DTNA: variants seen among roughly 807,000 people sequenced by gnomAD.
The protein encoded by DTNA is dystrobrevin alpha, also known as dystrophin-related protein 3.
Under a neutral mutation model 100.7 loss-of-function variants are expected in DTNA, and 43 were observed. That is an observed-to-expected ratio of 0.43 (90% CI 0.33 to 0.55). DTNA has a LOEUF of 0.55. DTNA is among the 20% of genes least tolerant of loss of function. DTNA has a pLI of 0.04. For missense variants in DTNA, 798 were observed against 953.9 expected (o/e 0.84, Z 2.15); for synonymous variants, 349 against 347.9 (o/e 1.00, Z -0.04).
intron 4 of DTNA, among the ~76,000 whole-genome samples, chr18:34,800,816 T>C (rs1391305445): frequency 6.6e-6 from 1 of 152,194 alleles, no homozygotes; most frequent in Non-Finnish European, 1.5e-5. Flanking sequence ...CTCCTGTACT[T>C]AGCATCCAGC....
intron 3 of DTNA, among the ~76,000 whole-genome samples, chr18:34,770,898 T>G (rs2093733368): frequency 6.6e-6 from 1 of 151,026 alleles, no homozygotes; most frequent in Non-Finnish European, 1.5e-5. Flanking sequence ...TTCTTCTGCC[T>G]CAGCCTCCCA....
chr18:34,569,565 A>G (rs1323014088), intron 1 of DTNA, among the ~76,000 whole-genome samples: 1 of 152,204 alleles, frequency 6.6e-6, no homozygotes, highest in East Asian at 1.9e-4. Context: ...TGCATTAGTC[A>G]GGATTCTACA....
At chr18:34,591,114 T>A (rs12326134) in intron 1 of DTNA, among the ~76,000 whole-genome samples, 15,626 of 150,766 alleles carry the variant, frequency 0.1, 1,155 homozygotes, top group African/African-American at 0.21. Flanking sequence ...AAACATTTCA[T>A]TTTTTTTTCT....
intron 1 of DTNA, among the ~76,000 whole-genome samples, chr18:34,553,006 T>C (rs1433391480): frequency 6.6e-6 from 1 of 150,728 alleles, no homozygotes; most frequent in Non-Finnish European, 1.5e-5. Flanking sequence ...AGTGTAAAAG[T>C]GTTCCTATTT....
At chr18:34,855,050 A>T (rs966232546) in intron 15 of DTNA, among the ~76,000 whole-genome samples, 7 of 152,030 alleles carry the variant, frequency 4.6e-5, no homozygotes, top group South Asian at 2.1e-4. Flanking sequence ...GGCAAACTTC[A>T]TGGGGAAGGT....
chr18:34,582,620 T>C (rs1193903117), intron 1 of DTNA, among the ~76,000 whole-genome samples: 1 of 152,174 alleles, frequency 6.6e-6, no homozygotes, highest in Non-Finnish European at 1.5e-5. Flanking sequence ...AGGGTAAATG[T>C]GGCAAGAAAG....
intron 3 of DTNA, among the ~76,000 whole-genome samples, chr18:34,774,142 G>A (rs568703157): frequency 6.3e-4 from 96 of 152,342 alleles, no homozygotes; most frequent in African/African-American, 2.1e-3. Context: ...CTGTCAGTTG[G>A]GAAAGAGTGA....
intron 1 of DTNA, among the ~76,000 whole-genome samples, chr18:34,718,109 T>G (rs185780619): frequency 1.1e-4 from 16 of 152,326 alleles, no homozygotes; most frequent in Admixed American, 8.5e-4. Context: ...CATACAATGC[T>G]GGAGCAGGAT....
chr18:34,800,521 G>A (rs1020535408), intron 4 of DTNA, among the ~76,000 whole-genome samples: 3 of 152,190 alleles, frequency 2.0e-5, no homozygotes, highest in African/African-American at 7.2e-5. Context: ...GAAGCAGAGG[G>A]AGGAAGCAAT....
At chr18:34,639,354 A>G (rs900835052) in intron 1 of DTNA, among the ~76,000 whole-genome samples, 2 of 152,228 alleles carry the variant, frequency 1.3e-5, no homozygotes, top group African/African-American at 2.4e-5. Flanking sequence ...GACATTGCCA[A>G]GTGTCCTCTG....
intron 1 of DTNA, among the ~76,000 whole-genome samples, chr18:34,559,247 CAA>C (rs2046410894): frequency 6.6e-6 from 1 of 152,078 alleles, no homozygotes; most frequent in Non-Finnish European, 1.5e-5. Context: ...CTAATTGTTT[CAA>C]AGTTATTTAA....
chr18:34,728,258 A>G (rs191251232), intron 1 of DTNA, among the ~76,000 whole-genome samples: 1 of 152,318 alleles, frequency 6.6e-6, no homozygotes, highest in East Asian at 1.9e-4. Context: ...AATCAGGACA[A>G]AAATGATTTT....
intron 1 of DTNA, among the ~76,000 whole-genome samples, chr18:34,753,821 A>C (rs1355354441): frequency 6.6e-6 from 1 of 152,224 alleles, no homozygotes; most frequent in East Asian, 1.9e-4. Context: ...AGCTATATTC[A>C]TACTATTTTG....
intron 1 of DTNA, among the ~76,000 whole-genome samples, chr18:34,704,228 C>T (rs924519072): frequency 6.6e-6 from 1 of 152,178 alleles, no homozygotes; most frequent in Non-Finnish European, 1.5e-5. Flanking sequence ...TCCCCTTGCC[C>T]ACTGACTACA....
intron 1 of DTNA, among the ~76,000 whole-genome samples, chr18:34,617,934 T>C (rs1599120517): frequency 6.6e-6 from 1 of 152,322 alleles, no homozygotes; most frequent in East Asian, 1.9e-4. Flanking sequence ...CTCTGAGGTA[T>C]ACCTGTATGC....
intron 1 of DTNA, among the ~76,000 whole-genome samples, chr18:34,695,506 C>T (rs968458243): frequency 6.6e-6 from 1 of 152,112 alleles, no homozygotes; most frequent in African/African-American, 2.4e-5. Context: ...GAGGCGCTAA[C>T]CAGTGGAGAC....
intron 1 of DTNA, among the ~76,000 whole-genome samples, chr18:34,560,220 G>A (rs568808798): frequency 9.9e-5 from 15 of 152,218 alleles, no homozygotes; most frequent in Admixed American, 4.6e-4. Flanking sequence ...TATGTCTTCT[G>A]TAGCAGACCA....
At chr18:34,623,074 C>A (rs1014084493) in intron 1 of DTNA, among the ~76,000 whole-genome samples, 1 of 152,114 alleles carries the variant, frequency 6.6e-6, no homozygotes, top group African/African-American at 2.4e-5. Flanking sequence ...CCTGGGATAA[C>A]AAACATGCTG....
rs757853063 is a variant in DTNA at position 34,753,366 on chromosome 18, ATTTTTTTTTTTT to A, written c.-1-2605_-1-2594del. 4.5e-4 allele frequency among the ~76,000 whole-genome samples: 60 copies of A among 133,140 alleles called. 2 individuals are homozygous for A. The highest frequency in any genetic ancestry group is 1.2e-3 in the Admixed American group (17 of 13,808). The allele number at this position is 133,140 out of a possible 152,430, so 87.3% of individuals were successfully genotyped here. A position where few individuals can be genotyped will look rare whatever the true frequency, so the allele number is the denominator to read the frequency against. Reference sequence around the variant, plus strand: ...ATTTATTTATTTATTTATTTATTTTATTTTTTTTTTTTTTTTATTTTTTATTTTTTTTTTGAG... The same window carrying A: ...ATTTATTTATTTATTTATTTATTTTATTTTATTTTTTATTTTTTTTTTGAG... On this transcript the variant is annotated intron_variant, in intron 1 of 22. Transcript: ENST00000444659.
Sources: gnomAD v4.1 joint callset for allele counts (sites outside exome capture counted in the v4.1 genomes callset) on GRCh38, gnomAD v4.1.1 for gene constraint, MANE v1.5 for transcripts, NCBI Gene and HGNC (gene_info 2026-07-23, HGNC 2026-07-21) for gene names.